The following CCDC171 variants were observed in gnomAD, a reference collection of about 807,000 sequenced individuals.
The protein encoded by CCDC171 is coiled-coil domain containing 171.
In CCDC171, 177 loss-of-function variants were observed where a neutral mutation model predicts 168.2. The ratio of observed to expected loss-of-function variants is 1.05; its 90% CI spans 0.93 to 1.19. The LOEUF (loss-of-function observed/expected upper bound fraction) is 1.19. Ranked by LOEUF, CCDC171 falls within the 50% of genes most tolerant of loss-of-function variation. The pLI is 0.00. For missense variants in CCDC171, 1,991 were observed against 1,539.0 expected (o/e 1.29, Z -4.91); for synonymous variants, 687 against 540.8 (o/e 1.27, Z -3.75).
At chr9:15,766,043 T>C (rs1371249822) in intron 18 of CCDC171, among the ~76,000 whole-genome samples, 1 of 152,152 alleles carries the variant, frequency 6.6e-6, no homozygotes, top group African/African-American at 2.4e-5. Flanking sequence ...ATGTTTCCCT[T>C]GGGGAAAAGA....
chr9:15,961,787 A>G (rs1283481208), intron 25 of CCDC171, among the ~76,000 whole-genome samples: 1 of 152,140 alleles, frequency 6.6e-6, no homozygotes, highest in African/African-American at 2.4e-5. Context: ...ATAAAAGTAA[A>G]ACGTACTTAC....
chr9:15,928,817 A>G (rs1333901129), intron 25 of CCDC171, among the ~76,000 whole-genome samples: 2 of 151,654 alleles, frequency 1.3e-5, no homozygotes, highest in Non-Finnish European at 3.0e-5. Flanking sequence ...TATATTTCCA[A>G]ACTTTTAAAG....
At chr9:15,593,352 G>C (rs2042126782) in intron 5 of CCDC171, among the ~76,000 whole-genome samples, 1 of 152,082 alleles carries the variant, frequency 6.6e-6, no homozygotes, top group Admixed American at 6.6e-5. Context: ...ATGTTTTTAA[G>C]ATACTAAACC....
intron 21 of CCDC171, among the ~76,000 whole-genome samples, chr9:15,833,730 G>C (rs776123017): frequency 2.6e-5 from 4 of 152,174 alleles, no homozygotes; most frequent in African/African-American, 9.6e-5. Flanking sequence ...GATAAAAATA[G>C]CTAGGATTTA....
chr9:15,564,727 G>C (rs975584348), intron 2 of CCDC171, among the ~76,000 whole-genome samples: 1 of 152,220 alleles, frequency 6.6e-6, no homozygotes, highest in Non-Finnish European at 1.5e-5. Context: ...ACATAGGGCA[G>C]TGCCACTCTC....
intron 8 of CCDC171, among the ~76,000 whole-genome samples, chr9:15,664,498 C>G (rs1273533797): frequency 1.3e-5 from 2 of 151,240 alleles, no homozygotes; most frequent in African/African-American, 4.9e-5. Flanking sequence ...ATCTGCTCAC[C>G]TTGGCCTCCC....
At chr9:15,985,545 C>T (rs1001878826) in intron 3 of CCDC171, among the ~76,000 whole-genome samples, 10 of 152,098 alleles carry the variant, frequency 6.6e-5, no homozygotes, top group Non-Finnish European at 1.5e-4. Context: ...CACTACCTTA[C>T]AGACAAGGAA....
At chr9:15,658,784 T>A (rs1006069967) in intron 8 of CCDC171, among the ~76,000 whole-genome samples, 10 of 151,894 alleles carry the variant, frequency 6.6e-5, no homozygotes, top group Non-Finnish European at 8.8e-5. Flanking sequence ...AGGAATGGAG[T>A]CTTGCTGACA....
At chr9:15,633,594 A>C (rs10756685) in intron 7 of CCDC171, among the ~76,000 whole-genome samples, 55,242 of 152,064 alleles carry the variant, frequency 0.36, 12,521 homozygotes, top group East Asian at 0.65. Flanking sequence ...AACTAGTTCA[A>C]CCCTTGTGGA....
intron 3 of CCDC171, among the ~76,000 whole-genome samples, chr9:15,991,225 T>G (rs1832186744): frequency 6.6e-6 from 1 of 151,952 alleles, no homozygotes; most frequent in African/African-American, 2.4e-5. Flanking sequence ...TAACAAAAAT[T>G]ATAAACTCAG....
chr9:16,091,227 A>G, the CCDC171 span, among the ~76,000 whole-genome samples: 1 of 152,216 alleles, frequency 6.6e-6, no homozygotes, highest in African/African-American at 2.4e-5. Context: ...GATTTCAAAT[A>G]CAGATAGTGC....
rs1564160074 is a variant in CCDC171 at position 15,661,296 on chromosome 9, A to AAAAAC, written c.915+4081_915+4082insCAAAA. ...CTCCGTCTCAAAAAAAAAAAAAAAA[A>AAAAAC]AAAAGTAACATGCTGTTTTTTGACT... On this transcript the variant is annotated intron_variant, in intron 8 of 25. Coordinates refer to ENST00000380701, the MANE Select transcript of CCDC171 (RefSeq NM_173550.4). 4.9e-4 allele frequency among the ~76,000 whole-genome samples: 69 copies of AAAAAC among 141,514 alleles called. 4 individuals carry two copies. The highest frequency in any genetic ancestry group is 6.6e-4 in the South Asian group (3 of 4,574). The allele number at this position is 141,514 out of a possible 152,430, so 92.8% of individuals were successfully genotyped here.
upstream of CCDC171, among the ~76,000 whole-genome samples, chr9:16,040,197 A>G (rs1348615439): frequency 6.6e-6 from 1 of 152,164 alleles, no homozygotes; most frequent in African/African-American, 2.4e-5. Context: ...CCAGAGAGCC[A>G]CAGGCATCGT....
chr9:15,747,621 G>A (rs1170677910), intron 18 of CCDC171, among the ~76,000 whole-genome samples: 2 of 152,214 alleles, frequency 1.3e-5, no homozygotes, highest in East Asian at 3.9e-4. Flanking sequence ...GGTCTGGACT[G>A]GACGTCCAGC....
intron 8 of CCDC171, among the ~76,000 whole-genome samples, chr9:15,657,802 G>A (rs2048051377): frequency 6.6e-6 from 1 of 152,262 alleles, no homozygotes; most frequent in South Asian, 2.1e-4. Context: ...TTAAATCTGG[G>A]AGGGGAATTA....
At chr9:15,704,768 C>A (rs1054139956) in intron 11 of CCDC171, among the ~76,000 whole-genome samples, 1 of 152,098 alleles carries the variant, frequency 6.6e-6, no homozygotes, top group Admixed American at 6.6e-5. Flanking sequence ...TTCAGTAAGT[C>A]CAAGACGTTC....
At chr9:16,105,484 C>G in the CCDC171 span, among the ~76,000 whole-genome samples, 4 of 152,040 alleles carry the variant, frequency 2.6e-5, no homozygotes, top group African/African-American at 7.2e-5. Flanking sequence ...TGGCACTGGT[C>G]ACAAATTCAA....
intron 18 of CCDC171, among the ~76,000 whole-genome samples, chr9:15,757,730 C>G (rs1041021776): frequency 1.3e-5 from 2 of 152,122 alleles, no homozygotes; most frequent in Non-Finnish European, 2.9e-5. Context: ...GTCCCAGGGT[C>G]CCCCGTGCTG....
chr9:15,799,703 G>A (rs2135756789), intron 21 of CCDC171, among the ~76,000 whole-genome samples: 1 of 151,978 alleles, frequency 6.6e-6, no homozygotes, highest in Admixed American at 6.6e-5. Flanking sequence ...TCAAATACTA[G>A]GACTTATTCA....
Sources: gnomAD v4.1 joint callset for allele counts (sites outside exome capture counted in the v4.1 genomes callset) on GRCh38, gnomAD v4.1.1 for gene constraint, MANE v1.5 for transcripts, NCBI Gene and HGNC (gene_info 2026-07-23, HGNC 2026-07-21) for gene names.